Variants in EDRF1 observed in about 807,000 individuals in gnomAD.
The protein encoded by EDRF1 is erythroid differentiation regulatory factor 1.
Under a neutral mutation model 148.7 loss-of-function variants are expected in EDRF1, and 69 were observed. The ratio of observed to expected loss-of-function variants is 0.46; its 90% CI spans 0.38 to 0.57. The LOEUF is 0.57. Among genes scored for constraint, EDRF1 ranks in the 20% least tolerant of loss-of-function variants. The pLI, the probability that EDRF1 is intolerant of heterozygous loss-of-function variation, is 0.00. For missense variants in EDRF1, 1,118 were observed against 1,478.7 expected, an observed-to-expected ratio of 0.76 and a Z score of 4.00; for synonymous variants, 515 against 532.8, an observed-to-expected ratio of 0.97 and a Z score of 0.46.
Position 125,729,469 on chromosome 10 carries a change from T to A in EDRF1, c.1006T>A (p.Leu336Ile). The change falls in exon 8 of 25, where the codon TTA (leucine) becomes ATA (isoleucine). Residue 336 changes from leucine (L) to isoleucine (I), a missense_variant. Transcript: ENST00000356792. Reference protein sequence around the residue: ...FGGGRYPAVSLRLRDNNKPIN... With the variant: ...FGGGRYPAVSIRLRDNNKPIN... ...AGGAGGCAGATACCCAGCAGTCAGC[T>A]TACGTCTCAGGTGAACTAACATCAT... 6.2e-7 allele frequency: 1 copy of A among 1,614,188 alleles called. No individual in the cohort carries two copies. Among genetic ancestry groups the A allele is most frequent in the Non-Finnish European group, 8.5e-7 (1 of 1,180,028 alleles).
rs1283735768 is a variant in EDRF1 at position 125,719,734 on chromosome 10, A to C, written c.-74A>C. 1 of 1,214,438 alleles carries C rather than the reference A, an allele frequency of 8.2e-7. No homozygotes were observed. Among genetic ancestry groups the C allele is most frequent in the Non-Finnish European group, 1.2e-6 (1 of 861,618 alleles). The allele number at this position is 1,214,438 out of a possible 1,614,324, so 75.2% of individuals were successfully genotyped here. On this transcript the variant is annotated 5_prime_UTR_variant, in exon 1 of 25. Coordinates refer to ENST00000356792, the MANE Select transcript of EDRF1 (RefSeq NM_001202438.2). ...GGTCCGCGGAGCGTCTCTGGCGCTT[A>C]CCCTGCTTTGGGCCTGCGTTGCTGC...
chr10:125,719,719 G>A lies in EDRF1; in HGVS notation c.-89G>A, dbSNP rs1253407690. On this transcript the variant is annotated 5_prime_UTR_variant, in exon 1 of 25. Coordinates refer to ENST00000356792, the MANE Select transcript of EDRF1 (RefSeq NM_001202438.2). Reference sequence around the variant, plus strand: ...AGAGACCGGAAGTGCGGTCCGCGGAGCGTCTCTGGCGCTTACCCTGCTTTG... The same window carrying A: ...AGAGACCGGAAGTGCGGTCCGCGGAACGTCTCTGGCGCTTACCCTGCTTTG... 4.2e-6 allele frequency: 4 copies of A among 947,028 alleles called. No individual in the cohort carries two copies. Among genetic ancestry groups the A allele is most frequent in the Non-Finnish European group, 4.7e-6 (3 of 640,854 alleles). The allele number at this position is 947,028 out of a possible 1,614,324, so 58.7% of individuals were successfully genotyped here.
intron 11 of EDRF1, 59 bp downstream of exon 11, chr10:125,733,802 T>TAC (rs1848593222): frequency 6.8e-7 from 1 of 1,476,144 alleles, no homozygotes; most frequent in African/African-American, 1.4e-5. Flanking sequence ...TTTTAAAGCA[T>TAC]ACAGTCACAG....
intron 12 of EDRF1, among the ~76,000 whole-genome samples, 193 bp from the exon 13 acceptor site, chr10:125,735,451 G>A (rs553676586): frequency 8.5e-5 from 13 of 152,198 alleles, no homozygotes; most frequent in African/African-American, 2.9e-4. Context: ...AAATGCATCA[G>A]CCTATAAAGA....
chr10:125,721,435 T>A (rs757614437), intron 2 of EDRF1, 23 bp downstream of exon 2: 35 of 1,605,032 alleles, frequency 2.2e-5, no homozygotes, highest in Admixed American at 6.7e-5. Context: ...CAGTGGCATT[T>A]TTACCTGCCC....
At chr10:125,747,228 GAA>G in intron 19 of EDRF1, 5 of 259,044 alleles carry the variant, frequency 1.9e-5, no homozygotes, top group East Asian at 1.7e-4. Context: ...CATTTAGAAA[GAA>G]AAAAAAAAAC....
chr10:125,740,759 T>C, intron 16 of EDRF1, 108 bp downstream of exon 16: 1 of 1,296,874 alleles, frequency 7.7e-7, no homozygotes, highest in Non-Finnish European at 1.1e-6. Flanking sequence ...AAATCTTTAT[T>C]TTAAAATGAC....
chr10:125,731,783 T>C (rs904158891), intron 9 of EDRF1: 8 of 395,652 alleles, frequency 2.0e-5, no homozygotes, highest in African/African-American at 1.3e-4. Flanking sequence ...ATGGTAAGAA[T>C]AGATAGCATT....
chr10:125,721,159 G>C (rs1375711245), intron 1 of EDRF1, 45 bp from the exon 2 acceptor site: 1 of 1,590,700 alleles, frequency 6.3e-7, no homozygotes, highest in Non-Finnish European at 8.6e-7. Flanking sequence ...GAGATTTTTC[G>C]TTCTTAGTAA....
chr10:125,729,302 TG>T, intron 7 of EDRF1, 55 bp from the exon 8 acceptor site: 2 of 1,598,278 alleles, frequency 1.3e-6, no homozygotes, highest in Non-Finnish European at 1.7e-6. Flanking sequence ...TTATGGATCA[TG>T]GGGGGAAATT....
chr10:125,759,201 G>T (rs956072088), intron 24 of EDRF1, among the ~76,000 whole-genome samples: 1 of 152,084 alleles, frequency 6.6e-6, no homozygotes, highest in Non-Finnish European at 1.5e-5. Flanking sequence ...CTCCACAGAG[G>T]CCCTATACTT....
intron 21 of EDRF1, 23 bp from the exon 22 acceptor site, chr10:125,749,389 T>C: frequency 1.2e-6 from 2 of 1,614,182 alleles, no homozygotes; most frequent in Non-Finnish European, 1.7e-6. Context: ...AAGGATTTGT[T>C]GCTTGTTTTG....
rs77665875 is a variant in EDRF1 at position 125,734,126 on chromosome 10, T to C, written c.1440T>C (p.Thr480=). Residue 480 remains threonine, a synonymous_variant, in exon 12 of 25, where the codon ACT becomes ACC. Coordinates refer to ENST00000356792, the MANE Select transcript of EDRF1 (RefSeq NM_001202438.2). ...ATCAAAATAAGAAACACTATGGAAC[T>C]ATTAGAACATTGCTTCTTAATTGTC... is the stretch of plus-strand genomic sequence containing the variant. ...KKNQNKKHYG[T]IRTLLLNCLK... 7.3e-4 allele frequency: 1,171 copies of C among 1,613,324 alleles called. 6 individuals are homozygous for C. The African/African-American group carries it at 0.012, about 17-fold the overall frequency.
At chr10:125,754,514 T>G (rs1849799720) in intron 24 of EDRF1, among the ~76,000 whole-genome samples, 1 of 152,242 alleles carries the variant, frequency 6.6e-6, no homozygotes. Context: ...TGGAGTTTGA[T>G]GCTCAGGGCC....
intron 6 of EDRF1, among the ~76,000 whole-genome samples, chr10:125,728,003 C>T (rs981860174): frequency 6.6e-6 from 1 of 151,852 alleles, no homozygotes; most frequent in African/African-American, 2.4e-5. Context: ...TAGAGACCAG[C>T]CTGGCCAACA....
At chr10:125,745,029 G>A (rs960086909) in intron 18 of EDRF1, 1 of 154,084 alleles carries the variant, frequency 6.5e-6, no homozygotes, top group African/African-American at 2.4e-5. Flanking sequence ...CAGCAATATT[G>A]TAACAGTCAT....
At chr10:125,738,045 A>G in intron 14 of EDRF1, 56 bp downstream of exon 14, 4 of 1,530,202 alleles carry the variant, frequency 2.6e-6, no homozygotes, top group Non-Finnish European at 3.6e-6. Flanking sequence ...GATTATGCAA[A>G]TTACACTTGT....
chr10:125,732,685 AAATC>A (rs1279549739), intron 9 of EDRF1, among the ~76,000 whole-genome samples: 2 of 152,230 alleles, frequency 1.3e-5, no homozygotes, highest in Non-Finnish European at 2.9e-5. Context: ...AGTGGGGTGA[AAATC>A]AACCTCAGAC....
At chr10:125,746,016 A>C in intron 19 of EDRF1, 86 bp downstream of exon 19, 1 of 1,249,018 alleles carries the variant, frequency 8.0e-7, no homozygotes, top group South Asian at 1.2e-5. Context: ...AATACTATAA[A>C]ACTAAAAATA....
Sources: allele counts gnomAD v4.1 joint callset (sites outside exome capture counted in the v4.1 genomes callset), GRCh38; gene constraint gnomAD v4.1.1; transcripts MANE v1.5; gene names NCBI Gene and HGNC (gene_info 2026-07-23, HGNC 2026-07-21).